The following TSPO variants were observed in gnomAD, a reference collection of about 807,000 sequenced individuals.
The protein encoded by TSPO is translocator protein, also known as benzodiazepine peripheral binding site.
TSPO carries 14 observed loss-of-function variants against 13.9 expected under a neutral mutation model. That is an observed-to-expected ratio of 1.01 (90% CI 0.67 to 1.58). The LOEUF (loss-of-function observed/expected upper bound fraction) is 1.58. Among genes scored for constraint, TSPO ranks in the 40% most tolerant of loss-of-function variants. TSPO has a pLI of 0.00. For synonymous variants in TSPO, 114 were observed against 105.9 expected (o/e 1.08, Z -0.47); for missense variants, 232 against 229.6 (o/e 1.01, Z -0.07).
At chr22:43,154,420 G>T (rs550489896) in intron 1 of TSPO, among the ~76,000 whole-genome samples, 11 of 151,958 alleles carry the variant, frequency 7.2e-5, no homozygotes, top group Admixed American at 2.0e-4. Flanking sequence ...GTGCAGTGGC[G>T]TAATCTTGGC....
chr22:43,157,147 C>G (rs1931275596), intron 1 of TSPO, among the ~76,000 whole-genome samples: 1 of 152,114 alleles, frequency 6.6e-6, no homozygotes, highest in African/African-American at 2.4e-5. Flanking sequence ...TCCATATCCA[C>G]TTGGCGGTGG....
At chr22:43,153,814 C>T (rs1258277376) in intron 1 of TSPO, among the ~76,000 whole-genome samples, 3 of 151,854 alleles carry the variant, frequency 2.0e-5, no homozygotes, top group Non-Finnish European at 4.4e-5. Flanking sequence ...GACGGTGTCT[C>T]GCTCCATTGC....
intron 1 of TSPO, among the ~76,000 whole-genome samples, chr22:43,156,547 A>AG (rs1931256584): frequency 1.8e-5 from 1 of 56,468 alleles, no homozygotes; most frequent in African/African-American, 6.8e-5. Context: ...GGTGGGAGGG[A>AG]GGGGGAGGGG....
At chr22:43,160,896 A>G (rs189164235) in intron 2 of TSPO, among the ~76,000 whole-genome samples, 156 bp from the exon 3 acceptor site, 31 of 152,348 alleles carry the variant, frequency 2.0e-4, no homozygotes, top group African/African-American at 7.0e-4. Context: ...CAGCAACCCT[A>G]TGAAAAATGA....
At position 43,155,410 on chromosome 22, in the gene TSPO, C is replaced by T. The variant is rs1239276356; in HGVS notation, c.-29-3800C>T. Reference sequence around the variant, plus strand: ...CCTTCTCCTGCCTCTACGTCCTGCGCCCTCTACCCTGCCCCGATCTTGCCC... The same window carrying T: ...CCTTCTCCTGCCTCTACGTCCTGCGTCCTCTACCCTGCCCCGATCTTGCCC... On this transcript the variant is annotated intron_variant, in intron 1 of 3. Coordinates refer to ENST00000337554, the MANE Select transcript of TSPO (RefSeq NM_000714.6). 2.0e-5 allele frequency among the ~76,000 whole-genome samples: 3 copies of T among 152,328 alleles called. No homozygotes were observed. The East Asian group carries it at 5.8e-4, about 30-fold the overall frequency.
intron 2 of TSPO, among the ~76,000 whole-genome samples, chr22:43,160,279 T>A (rs540091191): frequency 1.1e-4 from 16 of 152,174 alleles, no homozygotes; most frequent in Admixed American, 1.0e-3. Flanking sequence ...TCGGGGGAAA[T>A]TTTGGGGCTC....
chr22:43,153,375 C>T (rs1202237525), intron 1 of TSPO, among the ~76,000 whole-genome samples: 1 of 25,262 alleles, frequency 4.0e-5, no homozygotes, highest in Non-Finnish European at 8.5e-5. Context: ...GACGGAGTCT[C>T]GCTCTGTCGC....
intron 2 of TSPO, 114 bp from the exon 3 acceptor site, chr22:43,160,938 A>G (rs1432651765): frequency 2.4e-5 from 32 of 1,335,604 alleles, no homozygotes; most frequent in Non-Finnish European, 3.2e-5. Context: ...CTTCCCTGAG[A>G]TCACACAGCA....
chr22:43,161,742 T>G (rs138917), intron 3 of TSPO, among the ~76,000 whole-genome samples: 44,576 of 152,022 alleles, frequency 0.29, 8,239 homozygotes, highest in Non-Finnish European at 0.41. Context: ...CCTCAGGTGA[T>G]CTACCCGCCT....
At chr22:43,154,435 T>G (rs1001568370) in intron 1 of TSPO, among the ~76,000 whole-genome samples, 1 of 152,116 alleles carries the variant, frequency 6.6e-6, no homozygotes, top group Non-Finnish European at 1.5e-5. Flanking sequence ...CTTGGCTCAC[T>G]GCAACCTCCT....
chr22:43,160,342 CT>C (rs1321159949), intron 2 of TSPO, among the ~76,000 whole-genome samples: 1 of 152,228 alleles, frequency 6.6e-6, no homozygotes, highest in Admixed American at 6.5e-5. Flanking sequence ...AGCCGGGGCT[CT>C]GGCCCTGGCT....
In TSPO at chr22:43,162,904, G is replaced by A. The variant is rs142042960; in HGVS notation, c.423G>A (p.Leu141=). The A allele has an allele frequency of 4.8e-5, 77 of 1,590,456 alleles. No individual in the cohort carries two copies. The African/African-American group carries it at 9.9e-4, about 20-fold the overall frequency. Residue 141 remains leucine, a synonymous_variant, in exon 4 of 4, where the codon CTG becomes CTA. Coordinates refer to ENST00000337554, the MANE Select transcript of TSPO (RefSeq NM_000714.6). ...PLAARLLYPY[L]AWLAFTTTLN... ...CCGCCCGCCTGCTCTACCCCTACCT[G>A]GCCTGGCTGGCCTTCACGACCACAC...
Position 43,159,207 on chromosome 22 carries a change from C to T in TSPO, c.-29-3C>T. The T allele has an allele frequency of 6.7e-7, 1 of 1,499,082 alleles. No individual in the cohort carries two copies. The highest frequency in any genetic ancestry group is 8.9e-7 in the Non-Finnish European group (1 of 1,119,442). 92.9% of individuals were successfully genotyped at this position (1,499,082 alleles called of 1,614,324 possible). A position where few individuals can be genotyped will look rare whatever the true frequency, so the allele number is the denominator to read the frequency against. ...CCTCACCCAGCCCTGTCTTCTCTTT[C>T]AGAGCTCCCCTGAACAGCAGCTGCA... is the stretch of plus-strand genomic sequence containing the variant. On this transcript the variant is annotated splice_region_variant and splice_polypyrimidine_tract_variant and intron_variant, in intron 1 of 3. Coordinates refer to ENST00000337554, the MANE Select transcript of TSPO (RefSeq NM_000714.6).
chr22:43,153,855 C>T (rs1295140009), intron 1 of TSPO, among the ~76,000 whole-genome samples: 1 of 152,084 alleles, frequency 6.6e-6, no homozygotes, highest in Non-Finnish European at 1.5e-5. Flanking sequence ...TCCAGCTGGG[C>T]TCACTGCAAC....
rs772901541 is a variant in TSPO at position 43,162,791 on chromosome 22, C to T, written c.322-12C>T. 1.3e-6 allele frequency: 2 copies of T among 1,552,246 alleles called. No homozygotes were observed. The highest frequency in any genetic ancestry group is 1.4e-5 in the African/African-American group (1 of 73,744). ...TCAGGCCTCCCCATCCTCCGTCCCC[C>T]AATCTCTGCAGGCCTTGGTGGATCT... On this transcript the variant is annotated splice_polypyrimidine_tract_variant and intron_variant, in intron 3 of 3. Transcript: ENST00000337554.
At chr22:43,159,036 A>G (rs1931344062) in intron 1 of TSPO, among the ~76,000 whole-genome samples, 174 bp from the exon 2 acceptor site, 2 of 150,586 alleles carry the variant, frequency 1.3e-5, no homozygotes, top group Admixed American at 6.6e-5. Context: ...CTGGGGCAGG[A>G]GCAAGGCTGG....
intron 1 of TSPO, among the ~76,000 whole-genome samples, chr22:43,155,592 C>A (rs1931225786): frequency 6.6e-6 from 1 of 152,148 alleles, no homozygotes; most frequent in East Asian, 1.9e-4. Context: ...ACCCACAACC[C>A]CTCTCTTCTC....
At position 43,156,913 on chromosome 22, in the gene TSPO, A is replaced by C. The variant is rs372644669; in HGVS notation, c.-29-2297A>C. ...AACTGAGGGTGTCCTGGGAAAAGGC[A>C]CGTACAGGCACCCTGGTCCGGCTCG... On this transcript the variant is annotated intron_variant, in intron 1 of 3. Transcript: ENST00000337554. Among the ~76,000 whole-genome samples the C allele has an allele frequency of 4.8e-4, 73 of 152,294 alleles. 1 individual carries two copies. The highest frequency in any genetic ancestry group is 1.6e-3 in the African/African-American group (68 of 41,564).
intron 1 of TSPO, among the ~76,000 whole-genome samples, chr22:43,157,687 C>T (rs1021097821): frequency 2.6e-5 from 4 of 152,158 alleles, no homozygotes; most frequent in East Asian, 1.9e-4. Flanking sequence ...AAAATTAGCC[C>T]GGCATGGTGG....
Sources: gnomAD v4.1 joint callset for allele counts (sites outside exome capture counted in the v4.1 genomes callset) on GRCh38, gnomAD v4.1.1 for gene constraint, MANE v1.5 for transcripts, NCBI Gene and HGNC (gene_info 2026-07-23, HGNC 2026-07-21) for gene names.